TAFA5: variants seen among roughly 807,000 people sequenced by gnomAD.
TAFA5 encodes TAFA chemokine like family member 5.
A neutral mutation model predicts 15.3 loss-of-function variants in TAFA5; 6 were observed. That is an observed-to-expected ratio of 0.39 (90% confidence interval 0.21 to 0.77). The LOEUF (loss-of-function observed/expected upper bound fraction) is 0.77. TAFA5 is among the 30% of genes least tolerant of loss of function. The probability of loss-of-function intolerance (pLI) is 0.41; values close to 1 mark genes in which losing one functional copy is unlikely to be tolerated. For missense variants in TAFA5, 161 were observed against 193.1 expected, an observed-to-expected ratio of 0.83 and a Z score of 0.98; for synonymous variants, 103 against 80.7, an observed-to-expected ratio of 1.28 and a Z score of -1.48.
rs1923397648 is a variant in TAFA5 at position 48,566,067 on chromosome 22, T to TGGATGGATGATGGAC, written c.112+76372_112+76373insATGGACGGATGGATG. Reference sequence around the variant, plus strand: ...GAGCTGATGATGGATGGATGATGGATGGATGGATGGATGATGGATGAATGA... The same window carrying TGGATGGATGATGGAC: ...GAGCTGATGATGGATGGATGATGGATGGATGGATGATGGACGGATGGATGGATGATGGATGAATGA... On this transcript the variant is annotated intron_variant, in intron 1 of 3. Coordinates refer to ENST00000402357, the MANE Select transcript of TAFA5 (RefSeq NM_001082967.3). This position sits in a 1 kb window ranked among gnomAD's most constrained non-coding sequence, Gnocchi z 4.5. 2.0e-5 allele frequency among the ~76,000 whole-genome samples: 3 copies of TGGATGGATGATGGAC among 151,424 alleles called. No individual in the cohort carries two copies. Among genetic ancestry groups the TGGATGGATGATGGAC allele is most frequent in the Non-Finnish European group, 2.9e-5 (2 of 67,852 alleles).
At chr22:48,493,351 G>C (rs1013396918) in intron 1 of TAFA5, among the ~76,000 whole-genome samples, 1 of 152,204 alleles carries the variant, frequency 6.6e-6, no homozygotes, top group African/African-American at 2.4e-5. Flanking sequence ...TAAATCTCAT[G>C]TCCTCATCTA....
At chr22:48,519,773 G>T (rs1426010069) in intron 1 of TAFA5, among the ~76,000 whole-genome samples, 1 of 152,134 alleles carries the variant, frequency 6.6e-6, no homozygotes, top group Non-Finnish European at 1.5e-5. Context: ...GAGGTGAGCC[G>T]AGCAGGTCCC....
chr22:48,746,164 G>A (rs1930322932), intron 3 of TAFA5, among the ~76,000 whole-genome samples: 1 of 151,804 alleles, frequency 6.6e-6, no homozygotes, highest in Non-Finnish European at 1.5e-5. Context: ...TGTGGTTTCT[G>A]GCTGGCACTG....
chr22:48,600,260 G>A (rs1471053002), intron 1 of TAFA5, among the ~76,000 whole-genome samples: 5 of 152,192 alleles, frequency 3.3e-5, no homozygotes, highest in African/African-American at 1.2e-4. Flanking sequence ...GAGTGGACGA[G>A]GGGCGTCCCC....
chr22:48,686,321 C>G (rs1928352212), intron 2 of TAFA5, among the ~76,000 whole-genome samples: 1 of 152,188 alleles, frequency 6.6e-6, no homozygotes, highest in South Asian at 2.1e-4. Flanking sequence ...AATCTACGAT[C>G]ATGGTGCCAG....
At chr22:48,621,678 C>T (rs1003597758) in intron 1 of TAFA5, among the ~76,000 whole-genome samples, 8 of 152,172 alleles carry the variant, frequency 5.3e-5, no homozygotes, top group Non-Finnish European at 8.8e-5. Context: ...AGCCCAGGCC[C>T]GTGGCCTCGG....
intron 1 of TAFA5, among the ~76,000 whole-genome samples, chr22:48,615,075 G>A (rs568046895): frequency 5.9e-4 from 90 of 152,250 alleles, no homozygotes; most frequent in African/African-American, 1.1e-3. Context: ...GGAAGTACTC[G>A]CTTACAAAGC....
At chr22:48,517,730 A>G (rs937113496) in intron 1 of TAFA5, among the ~76,000 whole-genome samples, 137 of 151,938 alleles carry the variant, frequency 9.0e-4, no homozygotes, top group African/African-American at 3.2e-3. Context: ...AGATCCCCAC[A>G]TCCAGCAGCC....
chr22:48,720,540 T>C (rs1274955990), intron 3 of TAFA5, among the ~76,000 whole-genome samples: 2 of 152,098 alleles, frequency 1.3e-5, no homozygotes, highest in Non-Finnish European at 2.9e-5. Flanking sequence ...TGGCGGGGAC[T>C]GCGGCAAGGT....
Position 48,557,290 on chromosome 22 carries a change from G to T in TAFA5, c.112+67586G>T, listed in dbSNP as rs1923074476. On this transcript the variant is annotated intron_variant, in intron 1 of 3. Coordinates refer to ENST00000402357, the MANE Select transcript of TAFA5 (RefSeq NM_001082967.3). The stretch of plus-strand genomic sequence containing the variant: ...TATAACTGGTGTCCTTATAGCGAGA[G>T]ATGAGGACAAGGACAGGCACAGAGG... 3.3e-5 allele frequency among the ~76,000 whole-genome samples: 5 copies of T among 152,296 alleles called. No homozygotes were observed. The South Asian group carries it at 1.0e-3, about 32-fold the overall frequency.
chr22:48,644,562 G>A (rs533521052), intron 1 of TAFA5, among the ~76,000 whole-genome samples: 1 of 152,342 alleles, frequency 6.6e-6, no homozygotes, highest in East Asian at 1.9e-4. Context: ...GCCGTGTTGG[G>A]TGTTGGGATG....
At chr22:48,561,803 A>T (rs1445234330) in intron 1 of TAFA5, among the ~76,000 whole-genome samples, 1 of 152,176 alleles carries the variant, frequency 6.6e-6, no homozygotes, top group East Asian at 1.9e-4. Flanking sequence ...CTTTGACCTT[A>T]TTTAGAAGTT....
rs141558352 is a variant in TAFA5, at chr22:48,509,269, A to G, written c.112+19565A>G. ...TCTTGTGAGTGGTCCTGCAGGAAACATGAGGCTGAGGCTGCCCTTTTCACG... is the reference window on the plus strand; with the variant it reads ...TCTTGTGAGTGGTCCTGCAGGAAACGTGAGGCTGAGGCTGCCCTTTTCACG... On this transcript the variant is annotated intron_variant, in intron 1 of 3. Coordinates refer to ENST00000402357, the MANE Select transcript of TAFA5 (RefSeq NM_001082967.3). Among the ~76,000 whole-genome samples, 181 of 152,280 alleles carry G rather than the reference A, an allele frequency of 1.2e-3. 1 individual carries two copies. The Middle Eastern group carries it at 0.014, about 11-fold the overall frequency.
intron 1 of TAFA5, among the ~76,000 whole-genome samples, chr22:48,577,106 C>T (rs901619661): frequency 2.6e-5 from 4 of 152,236 alleles, no homozygotes; most frequent in Non-Finnish European, 5.9e-5. Flanking sequence ...GAAGCAGGGG[C>T]TTGGTCACCG....
At chr22:48,521,910 G>A (rs1475936760) in intron 1 of TAFA5, among the ~76,000 whole-genome samples, 2 of 150,546 alleles carry the variant, frequency 1.3e-5, no homozygotes, top group South Asian at 2.1e-4. Context: ...AGGTGGAGCT[G>A]TAGCTCCTGC....
chr22:48,645,367 A>G (rs565004169), intron 1 of TAFA5, among the ~76,000 whole-genome samples: 6 of 152,188 alleles, frequency 3.9e-5, no homozygotes, highest in Non-Finnish European at 5.9e-5. Context: ...CTTAAATTCC[A>G]TGGGTTTATT....
rs1921727040 is a variant in TAFA5 at position 48,524,889 on chromosome 22, CCT to C, written c.112+35186_112+35187del. On this transcript the variant is annotated intron_variant, in intron 1 of 3. Transcript: ENST00000402357. ...AGGGCGTTCCTTCCTGTCCCAGGCT[CCT>C]GGGGCATTCTCTGATCCAGGCGCGG... Among the ~76,000 whole-genome samples, 2 of 152,174 alleles carry C rather than the reference CCT, an allele frequency of 1.3e-5. 1 individual carries two copies. The highest frequency in any genetic ancestry group is 4.1e-4 in the South Asian group (2 of 4,826).
intron 1 of TAFA5, among the ~76,000 whole-genome samples, chr22:48,584,913 CCACA>C (rs564024414): frequency 8.8e-5 from 13 of 147,026 alleles, no homozygotes; most frequent in South Asian, 2.2e-4. Context: ...CACACACACA[CCACA>C]CACACACACA....
intron 1 of TAFA5, among the ~76,000 whole-genome samples, chr22:48,526,950 G>A (rs1000030052): frequency 6.6e-6 from 1 of 152,230 alleles, no homozygotes; most frequent in Non-Finnish European, 1.5e-5. Flanking sequence ...ATATTGAGTT[G>A]TCCTTGGGAT....
Sources: gnomAD v4.1 joint callset for allele counts (sites outside exome capture counted in the v4.1 genomes callset) on GRCh38, gnomAD v4.1.1 for gene constraint, Gnocchi (gnomAD v3.1) non-coding constraint, MANE v1.5 for transcripts, NCBI Gene and HGNC (gene_info 2026-07-23, HGNC 2026-07-21) for gene names.